AGO3: variants seen among roughly 807,000 people sequenced by gnomAD.
The protein encoded by AGO3 is protein argonaute-3.
In AGO3, 16 loss-of-function variants were observed where a neutral mutation model predicts 105.5. The observed-to-expected ratio is 0.15, with a 90% CI of 0.10 to 0.23. The LOEUF (loss-of-function observed/expected upper bound fraction) is 0.23. Ranked by LOEUF, AGO3 falls within the 10% of genes least tolerant of loss-of-function variation. The pLI is 1.00. For missense variants in AGO3, 534 were observed against 1,088.0 expected, an observed-to-expected ratio of 0.49 and a Z score of 7.16; for synonymous variants, 340 against 367.3, an observed-to-expected ratio of 0.93 and a Z score of 0.85.
At chr1:35,995,670 G>C (rs770628011) in intron 5 of AGO3, among the ~76,000 whole-genome samples, 1 of 152,042 alleles carries the variant, frequency 6.6e-6, no homozygotes, top group Non-Finnish European at 1.5e-5. Flanking sequence ...CATGATCTTG[G>C]ACGAGGCAAA....
At chr1:35,959,051 A>G (rs1436004488) in intron 2 of AGO3, among the ~76,000 whole-genome samples, 4 of 152,176 alleles carry the variant, frequency 2.6e-5, no homozygotes, top group Non-Finnish European at 5.9e-5. Context: ...ATAAAGTGAG[A>G]TGGAGGTGGA....
rs1489446839 is a variant in AGO3, at chr1:36,029,434, G to A, written c.1591+2136G>A. 1.4e-4 allele frequency among the ~76,000 whole-genome samples: 19 copies of A among 134,194 alleles called. No individual in the cohort carries two copies. In the Middle Eastern group the frequency reaches 0.014, roughly 96 times the overall value. The allele number at this position is 134,194 out of a possible 152,430, so 88.0% of individuals were successfully genotyped here. ...TTTTGAGAGAGAGTCTCGCTCTGTC[G>A]CCCAGGTTGGAGTGCAGTGGTGCGA... is the stretch of plus-strand genomic sequence containing the variant. On this transcript the variant is annotated intron_variant, in intron 12 of 18. Coordinates refer to ENST00000373191, the MANE Select transcript of AGO3 (RefSeq NM_024852.4).
chr1:36,006,262 T>A (rs1487699761), intron 6 of AGO3, among the ~76,000 whole-genome samples: 2 of 152,104 alleles, frequency 1.3e-5, no homozygotes, highest in African/African-American at 4.8e-5. Context: ...TGACACAAAG[T>A]GTGCAATAAA....
chr1:35,940,057 T>C (rs1044158674), intron 1 of AGO3, among the ~76,000 whole-genome samples: 5 of 152,092 alleles, frequency 3.3e-5, no homozygotes, highest in Admixed American at 2.0e-4. Context: ...TTAAACTGTT[T>C]GCCTTAAAAA....
intron 11 of AGO3, among the ~76,000 whole-genome samples, chr1:36,020,294 A>G (rs896176101): frequency 1.3e-5 from 2 of 152,312 alleles, no homozygotes; most frequent in Middle Eastern, 3.4e-3. Context: ...TTTGACCTGG[A>G]CCATGGAGTT....
At chr1:35,943,371 G>T (rs1026455438) in intron 1 of AGO3, among the ~76,000 whole-genome samples, 1 of 145,398 alleles carries the variant, frequency 6.9e-6, no homozygotes. Context: ...GCACAATCTC[G>T]GCTCACTGCA....
chr1:36,057,377 T>C lies in AGO3; in HGVS notation c.*1632T>C, dbSNP rs1642953628. 6.6e-6 allele frequency: 1 copy of C among 151,986 alleles called. No homozygotes were observed. Among genetic ancestry groups the C allele is most frequent in the Non-Finnish European group, 1.5e-5 (1 of 67,994 alleles). 9.4% of individuals were successfully genotyped at this position (151,986 alleles called of 1,614,324 possible). ...GTATGTGTGTGTATATAAACACATA[T>C]GTATGTGTTTGGAAGTATAGCTTCC... is the stretch of plus-strand genomic sequence containing the variant. On this transcript the variant is annotated 3_prime_UTR_variant, in exon 19 of 19. Coordinates refer to ENST00000373191, the MANE Select transcript of AGO3 (RefSeq NM_024852.4).
chr1:35,970,676 T>C (rs1023946335), intron 3 of AGO3, among the ~76,000 whole-genome samples: 42 of 152,078 alleles, frequency 2.8e-4, no homozygotes, highest in Admixed American at 6.6e-5. Flanking sequence ...TTATTTGGGT[T>C]CATTTGATTC....
At chr1:35,934,239 G>A (rs547943126) in intron 1 of AGO3, among the ~76,000 whole-genome samples, 1 of 152,256 alleles carries the variant, frequency 6.6e-6, no homozygotes, top group South Asian at 2.1e-4. Context: ...TCTAGTCTAT[G>A]TTTTCAGGTA....
In AGO3 at chr1:36,049,890, C is replaced by T. The variant is rs569705841; in HGVS notation, c.2275-5056C>T. Reference sequence around the variant, plus strand: ...CAGTTGTAAATATATATGCAGCCAACACTGGAGCATCCAGATATATAATAT... The same window carrying T: ...CAGTTGTAAATATATATGCAGCCAATACTGGAGCATCCAGATATATAATAT... On this transcript the variant is annotated intron_variant, in intron 17 of 18. Transcript: ENST00000373191. Among the ~76,000 whole-genome samples the T allele has an allele frequency of 2.2e-4, 33 of 152,254 alleles. 1 individual carries two copies. The highest frequency in any genetic ancestry group is 7.5e-4 in the African/African-American group (31 of 41,546).
At chr1:36,036,374 A>C (rs1642008893) in intron 14 of AGO3, 107 bp downstream of exon 14, 1 of 1,087,416 alleles carries the variant, frequency 9.2e-7, no homozygotes, top group African/African-American at 1.6e-5. Flanking sequence ...ACTTTCATAA[A>C]TGTTCTTTGG....
chr1:35,964,565 T>C (rs967352281), intron 2 of AGO3, among the ~76,000 whole-genome samples: 2 of 152,222 alleles, frequency 1.3e-5, no homozygotes, highest in Admixed American at 6.5e-5. Context: ...TTTGCTATTG[T>C]GAATAGTGCT....
Position 35,982,848 on chromosome 1 carries a change from C to G in AGO3, c.658+9337C>G, listed in dbSNP as rs887635527. 1.5e-5 allele frequency: 7 copies of G among 476,392 alleles called. No individual in the cohort carries two copies. In the Admixed American group the frequency reaches 2.7e-4, roughly 18 times the overall value. 29.5% of individuals were successfully genotyped at this position (476,392 alleles called of 1,614,324 possible). ...TGGAACGGATTGGAAAAAAATAGAC[C>G]AGAGCTTTACTAGATTTTTGAAAGA... On this transcript the variant is annotated intron_variant, in intron 5 of 18. Transcript: ENST00000373191.
At chr1:35,931,972 G>A (rs1646058957) in intron 1 of AGO3, among the ~76,000 whole-genome samples, 2 of 152,202 alleles carry the variant, frequency 1.3e-5, no homozygotes, top group African/African-American at 4.8e-5. Flanking sequence ...ATGGTAGATA[G>A]TTTCTGAGGA....
chr1:36,050,832 CGTTTT>C (rs113654282), intron 17 of AGO3, among the ~76,000 whole-genome samples: 2,302 of 146,188 alleles, frequency 0.016, 41 homozygotes, highest in African/African-American at 0.05. Flanking sequence ...TGATTTCTTT[CGTTTT>C]GTTTTGTTTT....
intron 5 of AGO3, among the ~76,000 whole-genome samples, chr1:35,990,496 TC>T (rs1251063945): frequency 6.6e-6 from 1 of 152,118 alleles, no homozygotes; most frequent in African/African-American, 2.4e-5. Context: ...CGACAGAGAC[TC>T]CATCTCAAAA....
intron 1 of AGO3, among the ~76,000 whole-genome samples, chr1:35,938,988 A>C (rs993898874): frequency 6.6e-6 from 1 of 152,160 alleles, no homozygotes; most frequent in Non-Finnish European, 1.5e-5. Flanking sequence ...TTTGAAATTT[A>C]GTTTGGTTAG....
At chr1:35,975,927 T>G (rs1646948983) in intron 5 of AGO3, among the ~76,000 whole-genome samples, 4 of 152,044 alleles carry the variant, frequency 2.6e-5, no homozygotes, top group Admixed American at 2.0e-4. Context: ...ATTTCTTTTT[T>G]TTTTTCTTTC....
intron 5 of AGO3, among the ~76,000 whole-genome samples, chr1:35,987,598 C>T (rs1647246410): frequency 6.6e-6 from 1 of 151,750 alleles, no homozygotes; most frequent in Admixed American, 6.6e-5. Context: ...GGGACAAATA[C>T]ACACCAATTT....
Sources: gnomAD v4.1 joint callset for allele counts (sites outside exome capture counted in the v4.1 genomes callset) on GRCh38, gnomAD v4.1.1 for gene constraint, MANE v1.5 for transcripts, NCBI Gene and HGNC (gene_info 2026-07-23, HGNC 2026-07-21) for gene names.